Variants in SV2B observed in about 807,000 individuals in gnomAD.
SV2B encodes synaptic vesicle glycoprotein 2B, also known as solute carrier family 22 member B2.
SV2B carries 41 observed loss-of-function variants against 73.9 expected under a neutral mutation model. The observed-to-expected ratio is 0.56, with a 90% confidence interval of 0.43 to 0.72. SV2B has a LOEUF of 0.72. SV2B is among the 30% of genes least tolerant of loss of function. SV2B has a pLI of 0.00. For missense variants in SV2B, 764 were observed against 857.8 expected (o/e 0.89, Z 1.37); for synonymous variants, 314 against 314.2 (o/e 1.00, Z 0.01).
rs1323831249 is a variant in SV2B, at chr15:91,137,021, T to C, written c.-392+36658T>C. ...CCTGCAGGCAAAGCAAAAGCACTGG[T>C]ATGTGATTTTTAGGGAAGAGTATGA... is the stretch of plus-strand genomic sequence containing the variant. On this transcript the variant is annotated intron_variant, in intron 1 of 12. Coordinates refer to ENST00000394232, the MANE Select transcript of SV2B (RefSeq NM_001323032.3). This position sits in a 1 kb window ranked among gnomAD's most constrained non-coding sequence, Gnocchi z 4.9. 6.6e-6 allele frequency among the ~76,000 whole-genome samples: 1 copy of C among 152,182 alleles called. No homozygotes were observed. Among genetic ancestry groups the C allele is most frequent in the Non-Finnish European group, 1.5e-5 (1 of 68,042 alleles).
chr15:91,228,223 C>T (rs1028167133), intron 2 of SV2B, among the ~76,000 whole-genome samples: 8 of 152,114 alleles, frequency 5.3e-5, no homozygotes, highest in African/African-American at 1.9e-4. Context: ...ACCCTGAGGG[C>T]ACCAAAAGAG....
chr15:91,250,657 C>G lies in SV2B; in HGVS notation c.452-1162C>G, dbSNP rs925844655. On this transcript the variant is annotated intron_variant, in intron 2 of 12. Coordinates refer to ENST00000394232, the MANE Select transcript of SV2B (RefSeq NM_001323032.3). ...AACCAACATAAAAATAGTAATGTTT[C>G]TATATGCTAACAATGAAGTATCTGA... Among the ~76,000 whole-genome samples, 3 of 152,058 alleles carry G rather than the reference C, an allele frequency of 2.0e-5. 1 individual carries two copies. Among genetic ancestry groups the G allele is most frequent in the Admixed American group, 2.0e-4 (3 of 15,274 alleles).
Position 91,122,757 on chromosome 15 carries a change from G to A in SV2B, c.-392+22394G>A, listed in dbSNP as rs915161956. On this transcript the variant is annotated intron_variant, in intron 1 of 12. Coordinates refer to ENST00000394232, the MANE Select transcript of SV2B (RefSeq NM_001323032.3). This position sits in a 1 kb window ranked among gnomAD's most constrained non-coding sequence, Gnocchi z 4.3. The stretch of plus-strand genomic sequence containing the variant: ...CATTAAATGAAATACGCCGGGCACA[G>A]AGAGACAAACACTGCCTGATCTCAC... Among the ~76,000 whole-genome samples, 1 of 152,208 alleles carries A rather than the reference G, an allele frequency of 6.6e-6. No homozygotes were observed. The highest frequency in any genetic ancestry group is 2.4e-5 in the African/African-American group (1 of 41,438).
chr15:91,099,689 G>A (rs531964334), upstream of SV2B, among the ~76,000 whole-genome samples: 1 of 152,294 alleles, frequency 6.6e-6, no homozygotes, highest in Admixed American at 6.5e-5. Flanking sequence ...CGCGCTGGCC[G>A]GGTAGGTTCT....
intron 1 of SV2B, among the ~76,000 whole-genome samples, chr15:91,217,310 C>T (rs1004611570): frequency 3.3e-5 from 5 of 152,162 alleles, no homozygotes; most frequent in African/African-American, 1.2e-4. Flanking sequence ...CCCACAATCT[C>T]CTGGCAGAGA....
chr15:91,109,853 A>G (rs550765652), intron 1 of SV2B, among the ~76,000 whole-genome samples: 3 of 152,104 alleles, frequency 2.0e-5, no homozygotes. Context: ...CTCTCACCTC[A>G]GCCTCCCAAG....
chr15:91,112,014 C>T (rs2151729497), intron 1 of SV2B, among the ~76,000 whole-genome samples: 1 of 152,188 alleles, frequency 6.6e-6, no homozygotes, highest in African/African-American at 2.4e-5. Flanking sequence ...CAGGCCCCAC[C>T]TCCAACACTG....
rs1291816303 is a variant in SV2B, at chr15:91,267,122, G to A, written c.1119+430G>A. On this transcript the variant is annotated intron_variant, in intron 7 of 12. Transcript: ENST00000394232. The surrounding 1 kb of genome is among the most constrained non-coding windows in gnomAD (Gnocchi z 4.3). ...TGGAGCACTGGCTCCTCCAAGTAGG[G>A]AGCCAGTCAGCTATTGAGCACTGAG... Among the ~76,000 whole-genome samples, 2 of 152,206 alleles carry A rather than the reference G, an allele frequency of 1.3e-5. No homozygotes were observed. Among genetic ancestry groups the A allele is most frequent in the African/African-American group, 2.4e-5 (1 of 41,448 alleles).
At chr15:91,120,539 C>A (rs920327867) in intron 1 of SV2B, among the ~76,000 whole-genome samples, 1 of 152,070 alleles carries the variant, frequency 6.6e-6, no homozygotes, top group South Asian at 2.1e-4. Context: ...AGGGCAGGCA[C>A]GGTGGCTCAC....
chr15:91,187,880 A>G (rs1260784689), intron 1 of SV2B, among the ~76,000 whole-genome samples: 1 of 152,196 alleles, frequency 6.6e-6, no homozygotes, highest in South Asian at 2.1e-4. Flanking sequence ...ACTGAACCAC[A>G]TAATTGAAAT....
intron 1 of SV2B, among the ~76,000 whole-genome samples, chr15:91,168,332 A>AGAGAGAGAGAGAG (rs1567308862): frequency 3.6e-4 from 28 of 78,406 alleles, no homozygotes; most frequent in African/African-American, 9.8e-4. Flanking sequence ...GAGAGAGAGA[A>AGAGAGAGAGAGAG]AAGAAATTTC....
At chr15:91,201,296 T>C (rs1026741040) in intron 1 of SV2B, among the ~76,000 whole-genome samples, 11 of 152,214 alleles carry the variant, frequency 7.2e-5, no homozygotes, top group Non-Finnish European at 1.6e-4. Flanking sequence ...ACTAAAATGG[T>C]GCTGATTGCA....
In SV2B at chr15:91,121,102, T is replaced by G. The variant is rs1179213160; in HGVS notation, c.-392+20739T>G. ...GAGAACTAGTCTTTTAACACGCTAA[T>G]TTTTGGTCTTATGTTAGTAACTCGT... On this transcript the variant is annotated intron_variant, in intron 1 of 12. Coordinates refer to ENST00000394232, the MANE Select transcript of SV2B (RefSeq NM_001323032.3). This position sits in a 1 kb window ranked among gnomAD's most constrained non-coding sequence, Gnocchi z 4.4. 6.6e-6 allele frequency among the ~76,000 whole-genome samples: 1 copy of G among 151,418 alleles called. No individual in the cohort carries two copies. Among genetic ancestry groups the G allele is most frequent in the Non-Finnish European group, 1.5e-5 (1 of 67,932 alleles).
chr15:91,180,626 G>T (rs1027476724), intron 1 of SV2B, among the ~76,000 whole-genome samples: 2 of 151,902 alleles, frequency 1.3e-5, no homozygotes, highest in Non-Finnish European at 2.9e-5. Context: ...TTCCCTTCTC[G>T]CTTCATTTCA....
chr15:91,302,189 C>T lies in SV2B; in HGVS notation c.*9637C>T, dbSNP rs527851929. On this transcript the variant is annotated 3_prime_UTR_variant, in exon 13 of 13. Coordinates refer to ENST00000394232, the MANE Select transcript of SV2B (RefSeq NM_001323032.3). ...AGGTCTCAATAGATGATGAATAGACCGATGAATGAGCACATGAGTTGAATG... is the reference window on the plus strand; with the variant it reads ...AGGTCTCAATAGATGATGAATAGACTGATGAATGAGCACATGAGTTGAATG... Among the ~76,000 whole-genome samples, 33 of 152,172 alleles carry T rather than the reference C, an allele frequency of 2.2e-4. No homozygotes were observed. The highest frequency in any genetic ancestry group is 5.1e-4 in the African/African-American group (21 of 41,504).
chr15:91,211,801 C>CTTTTTTTTTT (rs775815258), intron 1 of SV2B, among the ~76,000 whole-genome samples: 4 of 106,000 alleles, frequency 3.8e-5, no homozygotes, highest in African/African-American at 1.6e-4. Flanking sequence ...CTCGCCTGGG[C>CTTTTTTTTTT]TTTTTTTTTT....
intron 1 of SV2B, among the ~76,000 whole-genome samples, chr15:91,172,806 G>T (rs762809522): frequency 6.6e-6 from 1 of 152,154 alleles, no homozygotes; most frequent in Non-Finnish European, 1.5e-5. Flanking sequence ...AGGATTCAGT[G>T]AATTAATATA....
rs756474473 is a variant in SV2B at position 91,120,811 on chromosome 15, C to CAAAA, written c.-392+20460_-392+20463dup. Reference sequence around the variant, plus strand: ...TGTGTGACAGAGTGAGAACCTGTCTCAAAAAAAAAAAAAAAGAAAGAAAAA... The same window carrying CAAAA: ...TGTGTGACAGAGTGAGAACCTGTCTCAAAAAAAAAAAAAAAAAAAGAAAGAAAAA... On this transcript the variant is annotated intron_variant, in intron 1 of 12. Coordinates refer to ENST00000394232, the MANE Select transcript of SV2B (RefSeq NM_001323032.3). 2.1e-5 allele frequency among the ~76,000 whole-genome samples: 2 copies of CAAAA among 97,270 alleles called. 1 individual carries two copies. Among genetic ancestry groups the CAAAA allele is most frequent in the African/African-American group, 9.2e-5 (2 of 21,856 alleles). The allele number at this position is 97,270 out of a possible 152,430, so 63.8% of individuals were successfully genotyped here. A position where few individuals can be genotyped will look rare whatever the true frequency, so the allele number is the denominator to read the frequency against.
chr15:91,208,374 T>TC (rs1455971371), intron 1 of SV2B, among the ~76,000 whole-genome samples: 1 of 152,198 alleles, frequency 6.6e-6, no homozygotes, highest in Non-Finnish European at 1.5e-5. Context: ...AAAAGTGTTT[T>TC]CCCCCCACCC....
Sources: gnomAD v4.1 joint callset for allele counts (sites outside exome capture counted in the v4.1 genomes callset) on GRCh38, gnomAD v4.1.1 for gene constraint, Gnocchi (gnomAD v3.1) non-coding constraint, MANE v1.5 for transcripts, NCBI Gene and HGNC (gene_info 2026-07-23, HGNC 2026-07-21) for gene names.